The following NRG3 variants were observed in gnomAD, a reference collection of about 807,000 sequenced individuals.
The protein encoded by NRG3 is pro-neuregulin-3, membrane-bound isoform.
Under a neutral mutation model 66.9 loss-of-function variants are expected in NRG3, and 31 were observed. The ratio of observed to expected loss-of-function variants is 0.46; its 90% CI spans 0.35 to 0.63. The LOEUF (loss-of-function observed/expected upper bound fraction) is 0.63, where lower values mean the gene tolerates loss of function less well. Among genes scored for constraint, NRG3 ranks in the 20% least tolerant of loss-of-function variants. The pLI is 0.00. For missense variants in NRG3, 910 were observed against 878.9 expected (o/e 1.04, Z -0.45); for synonymous variants, 393 against 359.4 (o/e 1.09, Z -1.06).
intron 1 of NRG3, among the ~76,000 whole-genome samples, chr10:82,011,460 C>A (rs745781486): frequency 6.6e-6 from 1 of 152,118 alleles, no homozygotes; most frequent in African/African-American, 2.4e-5. Context: ...AATCTCATGT[C>A]CTCACATTTG....
At chr10:82,281,888 C>T (rs796602242) in intron 1 of NRG3, among the ~76,000 whole-genome samples, 24 of 152,166 alleles carry the variant, frequency 1.6e-4, no homozygotes, top group African/African-American at 5.5e-4. Flanking sequence ...TGAATATATT[C>T]ATAGAGAAAG....
At chr10:82,730,330 C>T (rs1384739303) in intron 2 of NRG3, among the ~76,000 whole-genome samples, 10 of 151,816 alleles carry the variant, frequency 6.6e-5, no homozygotes, top group African/African-American at 1.9e-4. Context: ...GTGATCCACC[C>T]GCCTCAGCCT....
intron 1 of NRG3, among the ~76,000 whole-genome samples, chr10:82,018,572 G>T (rs1427062335): frequency 6.6e-6 from 1 of 152,154 alleles, no homozygotes; most frequent in Non-Finnish European, 1.5e-5. Context: ...CATGAGCATG[G>T]AATGTTCTTC....
chr10:82,761,336 G>C (rs889504731), intron 3 of NRG3, among the ~76,000 whole-genome samples: 1 of 151,882 alleles, frequency 6.6e-6, no homozygotes, highest in African/African-American at 2.4e-5. Context: ...AGAAAATAAG[G>C]CATTTTTAGA....
chr10:81,889,720 T>C (rs1366544403), intron 1 of NRG3: 1 of 152,238 alleles, frequency 6.6e-6, no homozygotes, highest in Non-Finnish European at 1.5e-5. Context: ...ATACAAGTGT[T>C]ATTTGCTTGG....
chr10:82,801,662 T>A (rs1302474037), intron 3 of NRG3, among the ~76,000 whole-genome samples: 2 of 152,204 alleles, frequency 1.3e-5, no homozygotes, highest in Admixed American at 1.3e-4. Flanking sequence ...GTGATAGACA[T>A]ATTAGTGGTA....
chr10:82,066,374 T>C (rs1440398990), intron 1 of NRG3, among the ~76,000 whole-genome samples: 1 of 151,674 alleles, frequency 6.6e-6, no homozygotes, highest in Admixed American at 6.6e-5. Context: ...TTTGTGTAAA[T>C]GTACACTCTG....
chr10:82,520,048 G>T (rs768303807), intron 2 of NRG3, among the ~76,000 whole-genome samples: 2 of 151,808 alleles, frequency 1.3e-5, no homozygotes, highest in African/African-American at 4.8e-5. Context: ...GTGTGCTATG[G>T]TAGATCATTT....
At chr10:82,075,278 A>G (rs1288863630) in intron 1 of NRG3, among the ~76,000 whole-genome samples, 1 of 152,122 alleles carries the variant, frequency 6.6e-6, no homozygotes, top group African/African-American at 2.4e-5. Flanking sequence ...ATGTGGCAGT[A>G]TGTGGTTTTT....
chr10:81,884,941 A>G (rs1307624530), intron 1 of NRG3, among the ~76,000 whole-genome samples: 2 of 152,194 alleles, frequency 1.3e-5, no homozygotes, highest in African/African-American at 2.4e-5. Context: ...TAGGTAGAAC[A>G]TTTAACATGA....
chr10:82,387,306 C>G (rs962631336), intron 2 of NRG3, among the ~76,000 whole-genome samples: 1 of 152,092 alleles, frequency 6.6e-6, no homozygotes, highest in Non-Finnish European at 1.5e-5. Context: ...CCAATCCGCT[C>G]ATTGTCTTAA....
chr10:82,369,945 A>G (rs985783224), intron 2 of NRG3, among the ~76,000 whole-genome samples: 1 of 137,802 alleles, frequency 7.3e-6, no homozygotes, highest in African/African-American at 3.4e-5. Flanking sequence ...GTCGTCCCCC[A>G]GCTGAAACCC....
intron 1 of NRG3, among the ~76,000 whole-genome samples, chr10:82,189,845 C>A (rs2074031591): frequency 6.6e-6 from 1 of 151,902 alleles, no homozygotes; most frequent in Admixed American, 6.6e-5. Context: ...CACCTGTAAT[C>A]CCAGCTTCTT....
In NRG3 at chr10:82,769,217, A is replaced by T. The variant is rs536598567; in HGVS notation, c.1027+30567A>T. ...TAACTTTTAGTACATAACAACTAGG[A>T]TATTACATAATTCTCATGTGACTTC... On this transcript the variant is annotated intron_variant, in intron 3 of 8. Transcript: ENST00000372141. Among the ~76,000 whole-genome samples the T allele has an allele frequency of 4.6e-5, 7 of 152,248 alleles. No homozygotes were observed. The South Asian group carries it at 1.4e-3, about 32-fold the overall frequency.
At chr10:82,391,678 TA>T (rs1423651611) in intron 2 of NRG3, among the ~76,000 whole-genome samples, 1 of 152,116 alleles carries the variant, frequency 6.6e-6, no homozygotes, top group African/African-American at 2.4e-5. Context: ...CCCAAGGGGA[TA>T]AACTTTTGGG....
chr10:82,387,261 A>G (rs1355905350), intron 2 of NRG3, among the ~76,000 whole-genome samples: 2 of 126,382 alleles, frequency 1.6e-5, no homozygotes, highest in Non-Finnish European at 3.1e-5. Context: ...CTTATGTTTT[A>G]TCATAAAACA....
chr10:82,097,529 GATAT>G (rs759101988), intron 1 of NRG3, among the ~76,000 whole-genome samples: 1 of 148,402 alleles, frequency 6.7e-6, no homozygotes, highest in East Asian at 2.0e-4. Flanking sequence ...ATATATCTGT[GATAT>G]ATATATATAG....
chr10:82,236,023 T>TACAC (rs140576608), intron 1 of NRG3, among the ~76,000 whole-genome samples: 3 of 151,388 alleles, frequency 2.0e-5, no homozygotes, highest in Non-Finnish European at 3.0e-5. Context: ...CACACATACA[T>TACAC]ACACACACAC....
chr10:81,986,623 C>A (rs1331135537), intron 1 of NRG3, among the ~76,000 whole-genome samples: 4 of 152,152 alleles, frequency 2.6e-5, no homozygotes, highest in African/African-American at 4.8e-5. Flanking sequence ...CTTACCATGT[C>A]TTTTAATTAT....
Sources: gnomAD v4.1 joint callset for allele counts (sites outside exome capture counted in the v4.1 genomes callset) on GRCh38, gnomAD v4.1.1 for gene constraint, MANE v1.5 for transcripts, NCBI Gene and HGNC (gene_info 2026-07-23, HGNC 2026-07-21) for gene names.